IGF2BP2: variants seen among roughly 807,000 people sequenced by gnomAD.
IGF2BP2 encodes the protein insulin-like growth factor 2 mRNA-binding protein 2.
Under a neutral mutation model 75.8 loss-of-function variants are expected in IGF2BP2, and 17 were observed. The ratio of observed to expected loss-of-function variants is 0.22; its 90% CI spans 0.15 to 0.34. The LOEUF (loss-of-function observed/expected upper bound fraction) is 0.34. IGF2BP2 is among the 10% of genes least tolerant of loss of function. The probability of loss-of-function intolerance (pLI) is 1.00; values close to 1 mark genes in which losing one functional copy is unlikely to be tolerated. For synonymous variants in IGF2BP2, 288 were observed against 295.6 expected (o/e 0.97, Z 0.26); for missense variants, 516 against 772.4 (o/e 0.67, Z 3.93).
chr3:185,817,489 T>C (rs1281104264), intron 2 of IGF2BP2, among the ~76,000 whole-genome samples: 2 of 152,186 alleles, frequency 1.3e-5, no homozygotes, highest in Non-Finnish European at 2.9e-5. Flanking sequence ...AAATAATTTT[T>C]CTTCACTATT....
chr3:185,692,621 T>C (rs1251956407), intron 5 of IGF2BP2, 78 bp downstream of exon 5: 2 of 1,290,540 alleles, frequency 1.5e-6, no homozygotes, highest in East Asian at 4.7e-5. Flanking sequence ...TTAGAAAACA[T>C]TTAAAAACAC....
chr3:185,765,586 G>C (rs184064813), intron 2 of IGF2BP2, among the ~76,000 whole-genome samples: 1 of 152,264 alleles, frequency 6.6e-6, no homozygotes, highest in Non-Finnish European at 1.5e-5. Context: ...TGCACCTAGA[G>C]GGAAAAGAGG....
chr3:185,720,336 TTTAA>T lies in IGF2BP2; in HGVS notation c.240-21993_240-21990del, dbSNP rs970073442. Among the ~76,000 whole-genome samples, 245 of 152,310 alleles carry T rather than the reference TTTAA, an allele frequency of 1.6e-3. 1 individual carries two copies. The highest frequency in any genetic ancestry group is 2.5e-4 in the Non-Finnish European group (17 of 68,030). ...CTCTCACCAAAGCCTATTTATTTTA[TTTAA>T]TTAATTAATTAATTTATTTTTTAGA... On this transcript the variant is annotated intron_variant, in intron 2 of 15. Transcript: ENST00000382199.
At chr3:185,658,729 G>A (rs957683069) in intron 10 of IGF2BP2, among the ~76,000 whole-genome samples, 16 of 152,202 alleles carry the variant, frequency 1.1e-4, no homozygotes, top group African/African-American at 2.9e-4. Context: ...TACACCCACT[G>A]GCACTTGCAC....
At chr3:185,651,989 G>C in intron 13 of IGF2BP2, 105 bp downstream of exon 13, 1 of 771,590 alleles carries the variant, frequency 1.3e-6, no homozygotes, top group Non-Finnish European at 2.0e-6. Flanking sequence ...CAGCAGCAGG[G>C]AGGGAAATGG....
chr3:185,680,272 C>T (rs1720176512), intron 7 of IGF2BP2, among the ~76,000 whole-genome samples: 2 of 152,142 alleles, frequency 1.3e-5, no homozygotes. Flanking sequence ...AATGGAAAGT[C>T]TGATCAGACC....
intron 3 of IGF2BP2, among the ~76,000 whole-genome samples, chr3:185,697,697 T>C (rs911062299): frequency 6.6e-6 from 1 of 152,208 alleles, no homozygotes; most frequent in Non-Finnish European, 1.5e-5. Context: ...ATTCACTTTT[T>C]TTTCCAAATT....
intron 14 of IGF2BP2, 46 bp downstream of exon 14, chr3:185,649,357 C>A: frequency 1.2e-6 from 2 of 1,605,346 alleles, no homozygotes; most frequent in Admixed American, 1.7e-5. Flanking sequence ...AAGGCCAGAG[C>A]GGGGAATCTG....
intron 10 of IGF2BP2, among the ~76,000 whole-genome samples, chr3:185,670,872 G>A (rs922117386): frequency 1.3e-5 from 2 of 152,146 alleles, no homozygotes; most frequent in African/African-American, 4.8e-5. Context: ...GCCCGGCCTA[G>A]ATTACCGATT....
chr3:185,707,798 T>A (rs891741730), intron 2 of IGF2BP2, among the ~76,000 whole-genome samples: 5 of 152,174 alleles, frequency 3.3e-5, no homozygotes, highest in Admixed American at 6.5e-5. Context: ...TGTATACAAT[T>A]CCCTACGATA....
intron 2 of IGF2BP2, among the ~76,000 whole-genome samples, chr3:185,821,953 A>G (rs1741432705): frequency 6.6e-6 from 1 of 152,172 alleles, no homozygotes; most frequent in African/African-American, 2.4e-5. Flanking sequence ...GGAAAGAACT[A>G]GCTTAATATT....
At chr3:185,760,669 C>T (rs752775663) in intron 2 of IGF2BP2, among the ~76,000 whole-genome samples, 7 of 152,140 alleles carry the variant, frequency 4.6e-5, no homozygotes, top group Non-Finnish European at 5.9e-5. Context: ...GGGGGTCTGT[C>T]CTCCAACCCC....
At chr3:185,798,830 T>A (rs1224215536) in intron 2 of IGF2BP2, among the ~76,000 whole-genome samples, 1 of 148,536 alleles carries the variant, frequency 6.7e-6, no homozygotes, top group African/African-American at 2.5e-5. Flanking sequence ...TACTCTGTCA[T>A]CCAGGCTGGA....
intron 2 of IGF2BP2, among the ~76,000 whole-genome samples, chr3:185,741,632 A>C (rs1729569661): frequency 6.6e-6 from 1 of 152,218 alleles, no homozygotes; most frequent in Admixed American, 6.5e-5. Context: ...AACCCAGAAC[A>C]AAAAGCCATG....
intron 2 of IGF2BP2, among the ~76,000 whole-genome samples, chr3:185,806,272 C>A (rs1560500641): frequency 6.6e-6 from 1 of 152,174 alleles, no homozygotes; most frequent in Non-Finnish European, 1.5e-5. Flanking sequence ...CACTTAAGAG[C>A]ACACAAAAGA....
At chr3:185,801,075 A>C (rs137951909) in intron 2 of IGF2BP2, among the ~76,000 whole-genome samples, 3 of 152,376 alleles carry the variant, frequency 2.0e-5, no homozygotes, top group South Asian at 2.1e-4. Flanking sequence ...TCTCAAAAGA[A>C]GACATTCATG....
intron 2 of IGF2BP2, chr3:185,713,552 G>T: frequency 2.0e-6 from 1 of 504,474 alleles, no homozygotes; most frequent in Non-Finnish European, 3.9e-6. Flanking sequence ...TGAGACATCA[G>T]AATGAAAATT....
chr3:185,791,473 T>C (rs1371560283), intron 2 of IGF2BP2, among the ~76,000 whole-genome samples: 2 of 152,196 alleles, frequency 1.3e-5, no homozygotes, highest in Non-Finnish European at 2.9e-5. Context: ...ATGGAGAAAG[T>C]AAAAGTTTTT....
chr3:185,687,869 G>A (rs929854006), intron 6 of IGF2BP2, among the ~76,000 whole-genome samples: 1 of 151,736 alleles, frequency 6.6e-6, no homozygotes, highest in Non-Finnish European at 1.5e-5. Context: ...GTCTTTGGTT[G>A]ACGTCTAAAA....
Sources: gnomAD v4.1 joint callset for allele counts (sites outside exome capture counted in the v4.1 genomes callset) on GRCh38, gnomAD v4.1.1 for gene constraint, MANE v1.5 for transcripts, NCBI Gene and HGNC (gene_info 2026-07-23, HGNC 2026-07-21) for gene names.